RGS7: variants seen among roughly 807,000 people sequenced by gnomAD.
RGS7 encodes regulator of G-protein signaling 7.
RGS7 carries 27 observed loss-of-function variants against 81.1 expected under a neutral mutation model. The ratio of observed to expected loss-of-function variants is 0.33; its 90% confidence interval spans 0.25 to 0.46. RGS7 has a LOEUF of 0.46. Among genes scored for constraint, RGS7 ranks in the 20% least tolerant of loss-of-function variants. RGS7 has a pLI of 1.00. For synonymous variants in RGS7, 208 were observed against 207.7 expected, an observed-to-expected ratio of 1.00 and a Z score of -0.01; for missense variants, 396 against 607.4, an observed-to-expected ratio of 0.65 and a Z score of 3.66.
intron 2 of RGS7, among the ~76,000 whole-genome samples, chr1:241,199,583 C>A: frequency 1.3e-5 from 2 of 150,054 alleles, no homozygotes; most frequent in African/African-American, 4.9e-5. Flanking sequence ...AGGTCCTAGT[C>A]AATGCAATAA....
chr1:241,124,362 C>G (rs1393193507), intron 2 of RGS7, among the ~76,000 whole-genome samples: 1 of 152,090 alleles, frequency 6.6e-6, no homozygotes, highest in Non-Finnish European at 1.5e-5. Context: ...CCACTGCACT[C>G]CAGCCTGGGT....
intron 18 of RGS7, among the ~76,000 whole-genome samples, chr1:240,798,286 A>G (rs1269626914): frequency 6.6e-6 from 1 of 152,180 alleles, no homozygotes; most frequent in Non-Finnish European, 1.5e-5. Context: ...GTATTTATGA[A>G]TCTGGGTAAC....
intron 2 of RGS7, among the ~76,000 whole-genome samples, chr1:241,223,953 A>G (rs550531530): frequency 2.9e-4 from 44 of 151,736 alleles, no homozygotes; most frequent in Non-Finnish European, 6.2e-4. Context: ...GATGGTCATT[A>G]AGGTCCATTC....
At chr1:241,239,761 C>G (rs149695377) in intron 2 of RGS7, among the ~76,000 whole-genome samples, 1 of 152,292 alleles carries the variant, frequency 6.6e-6, no homozygotes, top group Non-Finnish European at 1.5e-5. Flanking sequence ...CATCTCAGAT[C>G]TCCTGAGTCA....
At chr1:241,184,788 C>T (rs1415360693) in intron 2 of RGS7, among the ~76,000 whole-genome samples, 3 of 152,022 alleles carry the variant, frequency 2.0e-5, no homozygotes, top group African/African-American at 7.2e-5. Flanking sequence ...ATTCAAAACA[C>T]TTTTGGTCTG....
intron 4 of RGS7, among the ~76,000 whole-genome samples, chr1:240,970,549 T>C (rs1335108236): frequency 6.6e-6 from 1 of 152,188 alleles, no homozygotes. Context: ...AGGTTGGATG[T>C]GACGGGACTG....
chr1:241,185,085 A>G (rs1275893246), intron 2 of RGS7, among the ~76,000 whole-genome samples: 2 of 152,178 alleles, frequency 1.3e-5, no homozygotes, highest in Non-Finnish European at 2.9e-5. Context: ...ATCATCCATG[A>G]AATATACATG....
In RGS7 at chr1:240,975,200, G is replaced by A. The variant is rs192487603; in HGVS notation, c.226+7879C>T. On this transcript the variant is annotated intron_variant, in intron 4 of 18. Transcript: ENST00000440928. ...AGGCGGATCATGAAGTCAAGAGATC[G>A]AGACCATCCTGGCCAACATGGTGAA... is the stretch of plus-strand genomic sequence containing the variant. Among the ~76,000 whole-genome samples the A allele has an allele frequency of 3.3e-3, 495 of 152,124 alleles. 2 individuals carry two copies. Among genetic ancestry groups the A allele is most frequent in the Non-Finnish European group, 5.5e-3 (373 of 67,994 alleles).
chr1:240,904,984 A>G (rs1270637413), intron 6 of RGS7, among the ~76,000 whole-genome samples: 1 of 152,166 alleles, frequency 6.6e-6, no homozygotes, highest in Non-Finnish European at 1.5e-5. Flanking sequence ...TTGCCAGTTC[A>G]GGGTACAAAA....
intron 3 of RGS7, among the ~76,000 whole-genome samples, chr1:241,055,487 G>A: frequency 6.6e-6 from 1 of 152,116 alleles, no homozygotes; most frequent in South Asian, 2.1e-4. Context: ...AGATGCATAG[G>A]GTGACACAGA....
chr1:241,284,865 T>TTTTG (rs1303739816), intron 2 of RGS7, among the ~76,000 whole-genome samples: 1 of 151,826 alleles, frequency 6.6e-6, no homozygotes, highest in African/African-American at 2.4e-5. Flanking sequence ...CTTTGTTTTT[T>TTTTG]TTTGTTTGTT....
chr1:240,879,004 GT>G (rs1363740019), intron 6 of RGS7, among the ~76,000 whole-genome samples: 1 of 152,142 alleles, frequency 6.6e-6, no homozygotes, highest in Non-Finnish European at 1.5e-5. Context: ...GTATCAAAGG[GT>G]TGTGGCGATA....
rs146049594 is a variant in RGS7 at position 240,874,781 on chromosome 1, C to T, written c.386-4662G>A. On this transcript the variant is annotated intron_variant, in intron 6 of 18. Coordinates refer to ENST00000440928, the MANE Select transcript of RGS7 (RefSeq NM_001364886.1). ...CTCGGCCGGGTGCAGTGGATCATGC[C>T]TGTAATCTCAGCAGTTTGGGAGGCT... Among the ~76,000 whole-genome samples, 112 of 152,226 alleles carry T rather than the reference C, an allele frequency of 7.4e-4. 1 individual carries two copies. The highest frequency in any genetic ancestry group is 2.5e-3 in the African/African-American group (102 of 41,540).
At chr1:241,298,962 C>T (rs2079576891) in intron 2 of RGS7, among the ~76,000 whole-genome samples, 1 of 152,142 alleles carries the variant, frequency 6.6e-6, no homozygotes, top group Admixed American at 6.5e-5. Context: ...TTGAGCTGCG[C>T]GTGCTATGTC....
At chr1:240,913,282 G>A (rs1045609575) in intron 6 of RGS7, among the ~76,000 whole-genome samples, 18 of 152,054 alleles carry the variant, frequency 1.2e-4, no homozygotes, top group Non-Finnish European at 2.9e-5. Context: ...TTATATGCAC[G>A]AGCATTATTC....
intron 2 of RGS7, among the ~76,000 whole-genome samples, chr1:241,167,320 C>A (rs2070341660): frequency 6.6e-6 from 1 of 152,084 alleles, no homozygotes; most frequent in Non-Finnish European, 1.5e-5. Flanking sequence ...AGTATTCGTT[C>A]TTCTCATCTT....
chr1:241,031,928 C>A (rs1435639437), intron 3 of RGS7, among the ~76,000 whole-genome samples: 1 of 152,184 alleles, frequency 6.6e-6, no homozygotes, highest in Non-Finnish European at 1.5e-5. Context: ...TTCAGGCTGT[C>A]TGTTCACTCT....
Position 240,942,440 on chromosome 1 carries a change from G to A in RGS7, c.227-5734C>T, listed in dbSNP as rs144910215. Among the ~76,000 whole-genome samples the A allele has an allele frequency of 1.5e-3, 226 of 152,186 alleles. 2 individuals are homozygous for A. Among genetic ancestry groups the A allele is most frequent in the East Asian group, 8.9e-3 (46 of 5,178 alleles). On this transcript the variant is annotated intron_variant, in intron 4 of 18. Coordinates refer to ENST00000440928, the MANE Select transcript of RGS7 (RefSeq NM_001364886.1). ...TAAATACAGCTCATAATTTTGCAAC[G>A]ATTAATAAAATGCCTCTGAGTCAAG...
chr1:241,238,755 G>T (rs1344752877), intron 2 of RGS7, among the ~76,000 whole-genome samples: 1 of 151,556 alleles, frequency 6.6e-6, no homozygotes, highest in African/African-American at 2.4e-5. Context: ...GAATGATCCG[G>T]GAAGAAACAA....
Sources: gnomAD v4.1 joint callset for allele counts (sites outside exome capture counted in the v4.1 genomes callset) on GRCh38, gnomAD v4.1.1 for gene constraint, MANE v1.5 for transcripts, NCBI Gene and HGNC (gene_info 2026-07-23, HGNC 2026-07-21) for gene names.